CFTR: variants seen among roughly 807,000 people sequenced by gnomAD.
The protein encoded by CFTR is cystic fibrosis transmembrane conductance regulator.
CFTR carries 181 observed loss-of-function variants against 171.6 expected under a neutral mutation model. The ratio of observed to expected loss-of-function variants is 1.05; its 90% confidence interval spans 0.93 to 1.19. The LOEUF is 1.19. Among genes scored for constraint, CFTR ranks in the 50% most tolerant of loss-of-function variants. The pLI is 0.00. For synonymous variants in CFTR, 583 were observed against 608.0 expected, an observed-to-expected ratio of 0.96 and a Z score of 0.60; for missense variants, 1,968 against 1,734.7, an observed-to-expected ratio of 1.13 and a Z score of -2.39.
Position 117,592,562 on chromosome 7 carries a change from C to A in CFTR, c.2395C>A (p.Gln799Lys), listed in dbSNP as rs984281283. The change falls in exon 14 of 27, where the codon CAG becomes AAG. Residue 799 changes from glutamine to lysine, a missense_variant. Physicochemically the swap from Gln to Lys is moderately conservative, Grantham distance 53. Transcript: ENST00000003084. ...CACACGAAAAGTGTCACTGGCCCCT[C>A]AGGCAAACTTGACTGAACTGGATAT... Reference protein sequence around the residue: ...ASTRKVSLAPQANLTELDIYS... With the variant: ...ASTRKVSLAPKANLTELDIYS... 23 of 1,521,144 alleles carry A rather than the reference C, an allele frequency of 1.5e-5. No individual in the cohort carries two copies. The highest frequency in any genetic ancestry group is 2.0e-5 in the Non-Finnish European group (23 of 1,137,400). The allele number at this position is 1,521,144 out of a possible 1,614,324, so 94.2% of individuals were successfully genotyped here.
chr7:117,535,842 A>G (rs896682443), intron 6 of CFTR, among the ~76,000 whole-genome samples: 1 of 152,156 alleles, frequency 6.6e-6, no homozygotes, highest in African/African-American at 2.4e-5. Flanking sequence ...CCTAAAAAAT[A>G]CTTTTTAAGA....
chr7:117,602,975 C>G, intron 16 of CFTR, 112 bp downstream of exon 16: 1 of 1,042,484 alleles, frequency 9.6e-7, no homozygotes, highest in Non-Finnish European at 1.5e-6. Flanking sequence ...TTCTCCCAAG[C>G]ATTATGGTAG....
chr7:117,637,324 G>A (rs890354595), intron 22 of CFTR, among the ~76,000 whole-genome samples: 1 of 151,492 alleles, frequency 6.6e-6, no homozygotes. Flanking sequence ...CTTTAGTAAT[G>A]TACTGGTAGG....
chr7:117,530,678 A>G (rs1340317339), intron 3 of CFTR, among the ~76,000 whole-genome samples: 1 of 152,190 alleles, frequency 6.6e-6, no homozygotes, highest in African/African-American at 2.4e-5. Context: ...AAAATACCTC[A>G]TATGTAAACT....
intron 18 of CFTR, among the ~76,000 whole-genome samples, chr7:117,608,994 TG>T (rs1415072680): frequency 6.6e-6 from 1 of 152,200 alleles, no homozygotes; most frequent in Non-Finnish European, 1.5e-5. Flanking sequence ...CATGGGTAAA[TG>T]TTGCACAGCA....
In CFTR at chr7:117,540,160, C is replaced by G. The variant is rs1230103075; in HGVS notation, c.930C>G (p.Phe310Leu). Reference sequence around the variant, plus strand: ...TGAGATACTTCAATAGCTCAGCCTTCTTCTTCTCAGGGTTCTTTGTGGTGT... The same window carrying G: ...TGAGATACTTCAATAGCTCAGCCTTGTTCTTCTCAGGGTTCTTTGTGGTGT... ...AYVRYFNSSA[F>L]FFSGFFVVFL... Residue 310 changes from phenylalanine to leucine, a missense_variant, in exon 8 of 27, where the codon TTC (phenylalanine) becomes TTG (leucine). Phe to Leu is a conservative substitution (Grantham distance 22). Coordinates refer to ENST00000003084, the MANE Select transcript of CFTR (RefSeq NM_000492.4). 7 of 1,613,746 alleles carry G rather than the reference C, an allele frequency of 4.3e-6. No homozygotes were observed. The highest frequency in any genetic ancestry group is 5.9e-6 in the Non-Finnish European group (7 of 1,179,822).
chr7:117,549,344 G>T (rs1584793993), intron 10 of CFTR, among the ~76,000 whole-genome samples: 3 of 152,122 alleles, frequency 2.0e-5, no homozygotes, highest in Admixed American at 6.5e-5. Context: ...AATTTATTCA[G>T]TGGTCATCCT....
At chr7:117,483,259 T>C (rs981610225) in intron 1 of CFTR, among the ~76,000 whole-genome samples, 3 of 152,222 alleles carry the variant, frequency 2.0e-5, no homozygotes, top group Non-Finnish European at 4.4e-5. Context: ...ATTTTGGGTC[T>C]CTTATTATGA....
intron 11 of CFTR, among the ~76,000 whole-genome samples, chr7:117,569,545 A>G (rs1031939400): frequency 4.6e-5 from 7 of 152,236 alleles, no homozygotes; most frequent in Non-Finnish European, 8.8e-5. Flanking sequence ...TCAATCTGAT[A>G]TATAATGAAA....
At chr7:117,543,496 A>G (rs1243101984) in intron 9 of CFTR, among the ~76,000 whole-genome samples, 1 of 152,186 alleles carries the variant, frequency 6.6e-6, no homozygotes, top group Non-Finnish European at 1.5e-5. Flanking sequence ...AGCCCTTACT[A>G]TGTGCCAGGC....
chr7:117,577,782 T>G (rs978847317), intron 11 of CFTR, among the ~76,000 whole-genome samples: 5 of 152,108 alleles, frequency 3.3e-5, no homozygotes, highest in Admixed American at 3.3e-4. Flanking sequence ...ACATAACCAT[T>G]GTTATTATGT....
chr7:117,651,260 A>G (rs1018653480), intron 23 of CFTR, among the ~76,000 whole-genome samples: 3 of 152,218 alleles, frequency 2.0e-5, no homozygotes, highest in African/African-American at 7.2e-5. Context: ...CAATAATGCT[A>G]GAAACCTTTT....
Position 117,606,769 on chromosome 7 carries a change from T to G in CFTR, c.2988+16T>G. On this transcript the variant is annotated intron_variant, in intron 18 of 26. Coordinates refer to ENST00000003084, the MANE Select transcript of CFTR (RefSeq NM_000492.4). The stretch of plus-strand genomic sequence containing the variant: ...CTTCATCCAGGTATGTAAAAATAAG[T>G]ACCGTTAAGTATGTCTGTATTATTA... 5 of 1,298,384 alleles carry G rather than the reference T, an allele frequency of 3.9e-6. No individual in the cohort carries two copies. Among genetic ancestry groups the G allele is most frequent in the Non-Finnish European group, 5.6e-6 (5 of 892,716 alleles). 80.4% of individuals were successfully genotyped at this position (1,298,384 alleles called of 1,614,324 possible).
intron 9 of CFTR, among the ~76,000 whole-genome samples, chr7:117,544,002 T>A (rs572765430): frequency 4.6e-5 from 7 of 152,344 alleles, no homozygotes; most frequent in Admixed American, 2.6e-4. Context: ...TTTCCTAATC[T>A]TCCAACTGTT....
intron 3 of CFTR, among the ~76,000 whole-genome samples, chr7:117,518,310 T>A (rs1798629353): frequency 6.8e-6 from 1 of 147,196 alleles, no homozygotes; most frequent in African/African-American, 2.5e-5. Flanking sequence ...CAATATATAT[T>A]ATAATTATAA....
intron 4 of CFTR, among the ~76,000 whole-genome samples, chr7:117,532,354 C>T (rs901446122): frequency 4.6e-5 from 7 of 152,074 alleles, no homozygotes; most frequent in Admixed American, 2.6e-4. Flanking sequence ...AGCTTTTAAG[C>T]GATTGGGTAC....
At chr7:117,496,125 G>C (rs753546536) in intron 1 of CFTR, among the ~76,000 whole-genome samples, 30 of 151,840 alleles carry the variant, frequency 2.0e-4, no homozygotes, top group Non-Finnish European at 4.0e-4. Context: ...AGAACAAAGT[G>C]TTCTTTTGTG....
At chr7:117,648,087 T>G (rs952740454) in intron 23 of CFTR, among the ~76,000 whole-genome samples, 2 of 146,746 alleles carry the variant, frequency 1.4e-5, no homozygotes, top group African/African-American at 5.0e-5. Context: ...ATATATGTAT[T>G]TATATATATA....
chr7:117,652,186 C>T (rs1289910573), intron 23 of CFTR, among the ~76,000 whole-genome samples: 1 of 152,070 alleles, frequency 6.6e-6, no homozygotes, highest in African/African-American at 2.4e-5. Flanking sequence ...ATGCTCCATG[C>T]AGGGAATTAG....
Sources: gnomAD v4.1 joint callset for allele counts (sites outside exome capture counted in the v4.1 genomes callset) on GRCh38, gnomAD v4.1.1 for gene constraint, MANE v1.5 for transcripts, NCBI Gene and HGNC (gene_info 2026-07-23, HGNC 2026-07-21) for gene names.